Variants in DPH6 observed in about 807,000 individuals in gnomAD.
DPH6 encodes the protein diphthine--ammonia ligase.
In DPH6, 33 loss-of-function variants were observed where a neutral mutation model predicts 38.2. The ratio of observed to expected loss-of-function variants is 0.86; its 90% CI spans 0.65 to 1.15. The LOEUF (loss-of-function observed/expected upper bound fraction) is 1.15. Ranked by LOEUF, DPH6 falls within the 50% of genes most tolerant of loss-of-function variation. DPH6 has a pLI of 0.00. For missense variants in DPH6, 325 were observed against 320.0 expected, an observed-to-expected ratio of 1.02 and a Z score of -0.12; for synonymous variants, 108 against 103.0, an observed-to-expected ratio of 1.05 and a Z score of -0.30.
chr15:35,447,432 T>A (rs150875629), intron 5 of DPH6, among the ~76,000 whole-genome samples: 1 of 151,588 alleles, frequency 6.6e-6, no homozygotes, highest in Admixed American at 6.6e-5. Flanking sequence ...CTATCTCTTA[T>A]ACGTCCCCCC....
intron 3 of DPH6, among the ~76,000 whole-genome samples, chr15:35,275,739 A>G (rs2051853661): frequency 6.6e-6 from 1 of 151,964 alleles, no homozygotes; most frequent in African/African-American, 2.4e-5. Flanking sequence ...TAATAATATT[A>G]GTCTTCAATC....
Position 35,495,709 on chromosome 15 carries a change from G to C in DPH6, c.313-40889C>G, listed in dbSNP as rs112492911. Among the ~76,000 whole-genome samples the C allele has an allele frequency of 3.3e-3, 507 of 152,218 alleles. 4 individuals carry two copies. The highest frequency in any genetic ancestry group is 0.012 in the African/African-American group (486 of 41,540). On this transcript the variant is annotated intron_variant, in intron 3 of 8. Coordinates refer to ENST00000256538, the MANE Select transcript of DPH6 (RefSeq NM_080650.4). Reference sequence around the variant, plus strand: ...TATAATCCCGCTCAAAATCCCAGCAGATTATTTTTGTAGAAACTGGCAACT... The same window carrying C: ...TATAATCCCGCTCAAAATCCCAGCACATTATTTTTGTAGAAACTGGCAACT...
chr15:35,478,661 G>A (rs1306988469), intron 3 of DPH6, among the ~76,000 whole-genome samples: 1 of 151,702 alleles, frequency 6.6e-6, no homozygotes, highest in East Asian at 1.9e-4. Context: ...AATCTGGGGT[G>A]GTCTAAAACT....
In DPH6 at chr15:35,542,965, T is replaced by TATATATATATATATATATATATAAAA. The variant is rs58422347; in HGVS notation, c.24-459_24-458insTTTTATATATATATATATATATATAT. On this transcript the variant is annotated intron_variant, in intron 1 of 8. Transcript: ENST00000256538. The stretch of plus-strand genomic sequence containing the variant: ...TAAGGAATATATATATATATATATA[T>TATATATATATATATATATATATAAAA]AAAATAATTTCATAGAAATTATTGG... Among the ~76,000 whole-genome samples the TATATATATATATATATATATATAAAA allele has an allele frequency of 2.0e-4, 15 of 76,170 alleles. 1 individual carries two copies. The Middle Eastern group carries it at 0.026, about 131-fold the overall frequency. 50.0% of individuals were successfully genotyped at this position (76,170 alleles called of 152,430 possible).
chr15:35,224,540 T>C (rs1013576754), intron 3 of DPH6, among the ~76,000 whole-genome samples: 2 of 152,214 alleles, frequency 1.3e-5, no homozygotes, highest in East Asian at 1.9e-4. Flanking sequence ...CATTCATGTA[T>C]TGGTTTTTTA....
In DPH6 at chr15:35,372,201, C is replaced by T. The variant is rs1206302328; in HGVS notation, c.753G>A (p.Val251=). Residue 251 remains valine, a splice_region_variant and synonymous_variant, in exon 9 of 9, where the codon GTG becomes GTA. Transcript: ENST00000256538. ...RFLELHLEDK[V]SSVPDNYRTS... ...TTCTGTAGTTGTCAGGCACTGAGGA[C>T]ACCTAAAAAAAAAAGGGAAGGAAAG... is the stretch of plus-strand genomic sequence containing the variant. 1 of 1,455,822 alleles carries T rather than the reference C, an allele frequency of 6.9e-7. No individual in the cohort carries two copies. Among genetic ancestry groups the T allele is most frequent in the South Asian group, 1.5e-5 (1 of 66,752 alleles). The allele number at this position is 1,455,822 out of a possible 1,614,324, so 90.2% of individuals were successfully genotyped here.
Position 35,546,133 on chromosome 15 carries a change from G to C in DPH6, c.9C>G (p.Val3=). The part of the protein sequence containing the change: MR[V]AALISGGKDS... ...GACCGCATTACCTGATCAGAGCCGC[G>C]ACCCTCATGCTGGGCGCAGTGCGCG... The change falls in exon 1 of 9, where the codon GTC becomes GTG. Residue 3 remains valine (V), a synonymous_variant. Transcript: ENST00000256538. 7.1e-7 allele frequency: 1 copy of C among 1,405,478 alleles called. No homozygotes were observed. 87.1% of individuals were successfully genotyped at this position (1,405,478 alleles called of 1,614,324 possible). A position where few individuals can be genotyped will look rare whatever the true frequency, so the allele number is the denominator to read the frequency against.
At chr15:35,355,349 G>A (rs1203409576) in intron 3 of DPH6, among the ~76,000 whole-genome samples, 1 of 152,130 alleles carries the variant, frequency 6.6e-6, no homozygotes, top group African/African-American at 2.4e-5. Flanking sequence ...TAGTAATTTT[G>A]CTCGTTATTT....
In DPH6 at chr15:35,321,382, T is replaced by C. The variant is rs1014042381; in HGVS notation, n.200+52139A>G. Among the ~76,000 whole-genome samples, 14 of 152,338 alleles carry C rather than the reference T, an allele frequency of 9.2e-5. No individual in the cohort carries two copies. In the East Asian group the frequency reaches 2.3e-3, roughly 25 times the overall value. ...TGGTTTCAAAAGAGGCCAGGCACAA[T>C]AGAATACATAGGAGTAAATACCAAA... On this transcript the variant is annotated intron_variant and non_coding_transcript_variant, in intron 3 of 3. Coordinates refer to the DPH6 transcript ENST00000560386.
chr15:35,208,499 G>A, the DPH6 span, among the ~76,000 whole-genome samples: 4 of 152,130 alleles, frequency 2.6e-5, no homozygotes. Context: ...GCATCTAGAA[G>A]GCTCATTCAG....
intron 5 of DPH6, among the ~76,000 whole-genome samples, chr15:35,436,434 C>A (rs191372918): frequency 3.4e-5 from 5 of 147,448 alleles, no homozygotes. Context: ...CCACTGCGCT[C>A]CAGCCTGGGA....
At chr15:35,246,901 T>C (rs547449002) in intron 3 of DPH6, among the ~76,000 whole-genome samples, 2 of 152,354 alleles carry the variant, frequency 1.3e-5, no homozygotes, top group Middle Eastern at 6.8e-3. Flanking sequence ...ATTTTATGGC[T>C]GTGTAGATCT....
the DPH6 span, among the ~76,000 whole-genome samples, chr15:35,204,313 C>T: frequency 6.6e-6 from 1 of 151,740 alleles, no homozygotes; most frequent in Non-Finnish European, 1.5e-5. Context: ...TAACTCAGGG[C>T]TAAATTTAGA....
At chr15:35,215,779 C>T (rs545490065), downstream of DPH6, among the ~76,000 whole-genome samples, 2 of 152,290 alleles carry the variant, frequency 1.3e-5, no homozygotes, top group South Asian at 4.1e-4. Flanking sequence ...AAGCCACTGT[C>T]GGCACTATTA....
intron 3 of DPH6, among the ~76,000 whole-genome samples, chr15:35,515,643 C>T (rs2054835433): frequency 6.7e-6 from 1 of 149,708 alleles, no homozygotes. Flanking sequence ...ATGGCGTGAA[C>T]CCAGAAGGCA....
At chr15:35,238,765 C>T (rs2051575869) in intron 3 of DPH6, among the ~76,000 whole-genome samples, 1 of 151,970 alleles carries the variant, frequency 6.6e-6, no homozygotes. Flanking sequence ...GACATTCCAC[C>T]ATTGTGATGT....
At chr15:35,384,253 G>T (rs2052912414) in intron 6 of DPH6, among the ~76,000 whole-genome samples, 4 of 151,398 alleles carry the variant, frequency 2.6e-5, no homozygotes. Flanking sequence ...ATCATTAACA[G>T]ATTTTTGAAA....
At position 35,542,526 on chromosome 15, in the gene DPH6, G is replaced by C. The variant is rs2055268629; in HGVS notation, c.24-19C>G. 6.5e-7 allele frequency: 1 copy of C among 1,533,652 alleles called. No homozygotes were observed. The highest frequency in any genetic ancestry group is 2.3e-5 in the East Asian group (1 of 43,752). ...CCCACCACTAAACAATAAATCAAGAGAGGGACAAATATCATGCTACTGACC... is the reference window on the plus strand; with the variant it reads ...CCCACCACTAAACAATAAATCAAGACAGGGACAAATATCATGCTACTGACC... On this transcript the variant is annotated intron_variant, in intron 1 of 8. Transcript: ENST00000256538.
In DPH6 at chr15:35,399,596, T is replaced by C. The variant is rs536278720; in HGVS notation, c.567+11239A>G. On this transcript the variant is annotated intron_variant, in intron 6 of 8. Transcript: ENST00000256538. Reference sequence around the variant, plus strand: ...AAGATACACCTAAGAGTCACAATTCTAGGGGCAAAAAGAATATCCTATACA... The same window carrying C: ...AAGATACACCTAAGAGTCACAATTCCAGGGGCAAAAAGAATATCCTATACA... Among the ~76,000 whole-genome samples the C allele has an allele frequency of 7.9e-5, 12 of 152,238 alleles. No individual in the cohort carries two copies. The South Asian group carries it at 2.5e-3, about 32-fold the overall frequency.
Sources: gnomAD v4.1 joint callset for allele counts (sites outside exome capture counted in the v4.1 genomes callset) on GRCh38, gnomAD v4.1.1 for gene constraint, MANE v1.5 for transcripts, NCBI Gene and HGNC (gene_info 2026-07-23, HGNC 2026-07-21) for gene names.